ACSF3: variants seen among roughly 807,000 people sequenced by gnomAD.
ACSF3 encodes malonate--CoA ligase ACSF3, mitochondrial.
In ACSF3, 78 loss-of-function variants were observed where a neutral mutation model predicts 53.2. The observed-to-expected ratio is 1.47, with a 90% CI of 1.22 to 1.77. The LOEUF (loss-of-function observed/expected upper bound fraction) is 1.77. Among genes scored for constraint, ACSF3 ranks in the 40% most tolerant of loss-of-function variants. The pLI is 0.00. For missense variants in ACSF3, 937 were observed against 771.1 expected, an observed-to-expected ratio of 1.22 and a Z score of -2.55; for synonymous variants, 414 against 333.1, an observed-to-expected ratio of 1.24 and a Z score of -2.65.
chr16:89,122,304 A>G (rs974043681), intron 7 of ACSF3: 19 of 352,070 alleles, frequency 5.4e-5, no homozygotes, highest in Non-Finnish European at 3.5e-5. Context: ...CCACAGAGCC[A>G]TGGGGCAACT....
intron 1 of ACSF3, among the ~76,000 whole-genome samples, chr16:89,097,036 T>C (rs1974699761): frequency 6.6e-6 from 1 of 152,264 alleles, no homozygotes; most frequent in South Asian, 2.1e-4. Context: ...TCTGCTGAGC[T>C]CTGGGTTTTG....
intron 2 of ACSF3, 35 bp downstream of exon 2, chr16:89,098,798 G>T (rs921734547): frequency 1.5e-5 from 7 of 454,018 alleles, no homozygotes; most frequent in Admixed American, 4.7e-5. Context: ...GCTTTTCTGT[G>T]TGCGAACAAG....
At chr16:89,140,649 A>C (rs1911575765) in intron 8 of ACSF3, among the ~76,000 whole-genome samples, 1 of 152,164 alleles carries the variant, frequency 6.6e-6, no homozygotes, top group South Asian at 2.1e-4. Flanking sequence ...ACATCTGCAC[A>C]GCAGAACAGG....
At chr16:89,141,341 C>T in intron 8 of ACSF3, 1 of 1,266,004 alleles carries the variant, frequency 7.9e-7, no homozygotes, top group South Asian at 1.2e-5. Context: ...GCTGAGACTG[C>T]TCTGTGCTGA....
At position 89,106,193 on chromosome 16, in the gene ACSF3, A is replaced by G. The variant is rs1268574961; in HGVS notation, c.822+3434A>G. Reference sequence around the variant, plus strand: ...ACTGCAGACTGGCTCATTAATGGACACGGGAAAGCCTCAGACCTTCAACGG... The same window carrying G: ...ACTGCAGACTGGCTCATTAATGGACGCGGGAAAGCCTCAGACCTTCAACGG... On this transcript the variant is annotated intron_variant, in intron 4 of 10. Transcript: ENST00000614302. 7.2e-5 allele frequency among the ~76,000 whole-genome samples: 11 copies of G among 152,132 alleles called. No homozygotes were observed. The East Asian group carries it at 1.7e-3, about 24-fold the overall frequency.
At chr16:89,149,113 C>G (rs1913639580) in intron 10 of ACSF3, 1 of 152,172 alleles carries the variant, frequency 6.6e-6, no homozygotes, top group Non-Finnish European at 1.5e-5. Flanking sequence ...GCTCCAGTTC[C>G]CAATAAGTTC....
At chr16:89,111,151 C>A (rs762233436) in intron 4 of ACSF3, among the ~76,000 whole-genome samples, 1 of 152,218 alleles carries the variant, frequency 6.6e-6, no homozygotes, top group Non-Finnish European at 1.5e-5. Context: ...TCTGGTGATT[C>A]GGACGTTTGG....
chr16:89,132,600 C>T (rs1199422548), intron 7 of ACSF3, among the ~76,000 whole-genome samples: 1 of 152,266 alleles, frequency 6.6e-6, no homozygotes, highest in African/African-American at 2.4e-5. Context: ...CCCACCTTCC[C>T]TTCCCACGGA....
intron 7 of ACSF3, among the ~76,000 whole-genome samples, chr16:89,130,973 C>T (rs1490573124): frequency 6.6e-6 from 1 of 152,132 alleles, no homozygotes; most frequent in Non-Finnish European, 1.5e-5. Flanking sequence ...CGTCCTGCTC[C>T]TGAACCAATC....
intron 1 of ACSF3, among the ~76,000 whole-genome samples, chr16:89,097,160 G>T (rs1476038526): frequency 6.6e-6 from 1 of 152,248 alleles, no homozygotes; most frequent in Admixed American, 6.5e-5. Context: ...TGTGCTCAGC[G>T]TGTGGTTAGC....
intron 6 of ACSF3, among the ~76,000 whole-genome samples, chr16:89,119,481 ATG>A (rs1334274760): frequency 6.6e-6 from 1 of 152,172 alleles, no homozygotes; most frequent in Non-Finnish European, 1.5e-5. Flanking sequence ...GGGCTGTGCA[ATG>A]TGTGTGCGGA....
chr16:89,094,626 C>T (rs1974396236), intron 1 of ACSF3, among the ~76,000 whole-genome samples: 1 of 152,206 alleles, frequency 6.6e-6, no homozygotes, highest in Non-Finnish European at 1.5e-5. Flanking sequence ...GGTGCAGTGG[C>T]TCATGCCTGT....
chr16:89,110,778 C>T (rs1275082288), intron 4 of ACSF3, among the ~76,000 whole-genome samples: 4 of 152,192 alleles, frequency 2.6e-5, no homozygotes, highest in Admixed American at 6.5e-5. Flanking sequence ...GGAGTGTTCC[C>T]GTCTGCGAGC....
intron 4 of ACSF3, among the ~76,000 whole-genome samples, chr16:89,105,433 C>T (rs980254437): frequency 1.3e-5 from 2 of 152,188 alleles, no homozygotes; most frequent in Non-Finnish European, 1.5e-5. Context: ...GCAGTGAGTT[C>T]CCCGTGAGTG....
intron 10 of ACSF3, chr16:89,151,668 A>G: frequency 5.5e-6 from 1 of 181,038 alleles, no homozygotes; most frequent in Middle Eastern, 2.7e-3. Flanking sequence ...GTGCAGTGGC[A>G]CGATCTCCGC....
intron 8 of ACSF3, 74 bp downstream of exon 8, chr16:89,133,336 T>C: frequency 1.3e-6 from 2 of 1,597,780 alleles, no homozygotes; most frequent in African/African-American, 2.7e-5. Context: ...CCACGTTGAG[T>C]GACACCGAGG....
intron 6 of ACSF3, chr16:89,115,213 C>A (rs533205924): frequency 1.3e-5 from 2 of 156,832 alleles, no homozygotes; most frequent in Admixed American, 6.1e-5. Flanking sequence ...ACCTGCAGAC[C>A]CAGTAAAAAT....
intron 5 of ACSF3, among the ~76,000 whole-genome samples, chr16:89,112,772 A>G (rs1221492224): frequency 1.3e-5 from 2 of 152,144 alleles, no homozygotes; most frequent in Non-Finnish European, 2.9e-5. Flanking sequence ...CTGAAGGACA[A>G]GGGTGAGGAC....
At chr16:89,142,629 CTACACCTGCAGGCACA>C (rs577101195) in intron 8 of ACSF3, among the ~76,000 whole-genome samples, 5 of 145,030 alleles carry the variant, frequency 3.4e-5, no homozygotes, top group Non-Finnish European at 7.5e-5. Flanking sequence ...CTGCAGACAC[CTACACCTGCAGGCACA>C]CCCACACCTG....
Sources: allele counts gnomAD v4.1 joint callset (sites outside exome capture counted in the v4.1 genomes callset), GRCh38; gene constraint gnomAD v4.1.1; transcripts MANE v1.5; gene names NCBI Gene and HGNC (gene_info 2026-07-23, HGNC 2026-07-21).